DLC1: variants seen among roughly 807,000 people sequenced by gnomAD.
The protein encoded by DLC1 is DLC1 Rho GTPase activating protein, also known as rho GTPase-activating protein 7.
A neutral mutation model predicts 140.3 loss-of-function variants in DLC1; 54 were observed. The observed-to-expected ratio is 0.38, with a 90% CI of 0.31 to 0.48. The LOEUF (loss-of-function observed/expected upper bound fraction) is 0.48, where lower values mean the gene tolerates loss of function less well. Ranked by LOEUF, DLC1 falls within the 20% of genes least tolerant of loss-of-function variation. DLC1 has a pLI of 0.96. For missense variants in DLC1, 2,536 were observed against 1,907.0 expected (o/e 1.33, Z -6.14); for synonymous variants, 986 against 728.1 (o/e 1.35, Z -5.70).
chr8:13,231,888 TG>T (rs1219275123), intron 5 of DLC1, among the ~76,000 whole-genome samples: 2 of 152,214 alleles, frequency 1.3e-5, no homozygotes, highest in African/African-American at 2.4e-5. Flanking sequence ...TGAATCTCAG[TG>T]AGTATTTTTA....
chr8:13,537,198 C>G (rs1020035024), intron 1 of DLC1, among the ~76,000 whole-genome samples: 1 of 151,788 alleles, frequency 6.6e-6, no homozygotes, highest in African/African-American at 2.4e-5. Context: ...GTTTTCAGAT[C>G]AAGAAAATAA....
Position 13,162,428 on chromosome 8 carries a change from T to G in DLC1, c.1349-46771A>C, listed in dbSNP as rs571113426. On this transcript the variant is annotated intron_variant, in intron 5 of 17. Coordinates refer to ENST00000276297, the MANE Select transcript of DLC1 (RefSeq NM_182643.3). ...TCCTCCGCCTCCCAGGTTCAAGAGA[T>G]TTTCCTGCCTCAGCCTTCTGAGTAG... is the stretch of plus-strand genomic sequence containing the variant. Among the ~76,000 whole-genome samples the G allele has an allele frequency of 9.9e-5, 15 of 152,262 alleles. No homozygotes were observed. The South Asian group carries it at 2.9e-3, about 29-fold the overall frequency.
chr8:13,220,899 A>C (rs921737962), intron 5 of DLC1, among the ~76,000 whole-genome samples: 1 of 152,180 alleles, frequency 6.6e-6, no homozygotes, highest in South Asian at 2.1e-4. Context: ...AGGCAAGCTC[A>C]GTGACAGCCT....
At chr8:13,592,397 T>C (rs557656904) in intron 1 of DLC1, among the ~76,000 whole-genome samples, 2 of 152,222 alleles carry the variant, frequency 1.3e-5, no homozygotes, top group East Asian at 3.9e-4. Flanking sequence ...GTTTTATTTA[T>C]ATTTTTATAT....
chr8:13,364,483 A>T (rs1835388878), intron 4 of DLC1, among the ~76,000 whole-genome samples: 1 of 152,090 alleles, frequency 6.6e-6, no homozygotes, highest in Admixed American at 6.6e-5. Flanking sequence ...TTTTTAGCAG[A>T]GACAGATTTC....
intron 5 of DLC1, among the ~76,000 whole-genome samples, chr8:13,300,190 C>A (rs1243462697): frequency 6.6e-6 from 1 of 152,108 alleles, no homozygotes; most frequent in African/African-American, 2.4e-5. Flanking sequence ...GAACAGAAAA[C>A]CAAACCCCTC....
At chr8:13,523,618 A>G (rs1005187606) in intron 1 of DLC1, among the ~76,000 whole-genome samples, 29 of 152,178 alleles carry the variant, frequency 1.9e-4, no homozygotes, top group African/African-American at 7.0e-4. Flanking sequence ...TAAAATAAGA[A>G]GACAAATACC....
chr8:13,452,311 TGAC>T (rs1799103311), intron 2 of DLC1, among the ~76,000 whole-genome samples: 1 of 152,114 alleles, frequency 6.6e-6, no homozygotes, highest in African/African-American at 2.4e-5. Flanking sequence ...ATAGCTCCAC[TGAC>T]CTCAATAGTT....
chr8:13,601,572 A>G (rs192001670), intron 1 of DLC1, among the ~76,000 whole-genome samples: 55 of 151,702 alleles, frequency 3.6e-4, no homozygotes, highest in Non-Finnish European at 1.2e-4. Context: ...TAGACTTACA[A>G]TATGAAGCTG....
At chr8:13,464,760 ATATATT>A (rs1446752136) in intron 2 of DLC1, among the ~76,000 whole-genome samples, 5,838 of 60,366 alleles carry the variant, frequency 0.097, 150 homozygotes, top group Non-Finnish European at 0.13. Context: ...ATATATATAT[ATATATT>A]TATATATATA....
chr8:13,544,779 A>G (rs1250776521), intron 1 of DLC1, among the ~76,000 whole-genome samples: 2 of 152,194 alleles, frequency 1.3e-5, no homozygotes, highest in Admixed American at 6.6e-5. Context: ...AGCTAAAAAT[A>G]TTTTGTAAAT....
chr8:13,299,552 C>T (rs1428780944), intron 5 of DLC1, among the ~76,000 whole-genome samples: 3 of 148,422 alleles, frequency 2.0e-5, no homozygotes, highest in Non-Finnish European at 4.4e-5. Context: ...TCATCTGGTG[C>T]CAGTTGCATG....
intron 1 of DLC1, 60 bp downstream of exon 1, chr8:13,514,542 C>G: frequency 2.5e-6 from 1 of 398,448 alleles, no homozygotes; most frequent in Non-Finnish European, 4.4e-6. Context: ...ACATTTATCT[C>G]AATCTTTCTG....
intron 2 of DLC1, among the ~76,000 whole-genome samples, chr8:13,446,055 C>T (rs1489827438): frequency 6.6e-6 from 1 of 152,124 alleles, no homozygotes; most frequent in Admixed American, 6.5e-5. Flanking sequence ...CGGTTGCTAC[C>T]TGAACAGTGT....
chr8:13,491,749 A>G (rs2117166776), intron 2 of DLC1, among the ~76,000 whole-genome samples: 1 of 152,270 alleles, frequency 6.6e-6, no homozygotes, highest in Middle Eastern at 3.4e-3. Flanking sequence ...CTGATTTAGC[A>G]CAGAACTAGC....
chr8:13,557,478 T>G (rs1804088804), intron 1 of DLC1, among the ~76,000 whole-genome samples: 1 of 152,152 alleles, frequency 6.6e-6, no homozygotes, highest in African/African-American at 2.4e-5. Context: ...CCTACCCAAA[T>G]CTCATCTTGA....
rs368104031 is a variant in DLC1 at position 13,094,850 on chromosome 8, G to A, written c.3435C>T (p.Asp1145=). ...AATACTGCTTCAGCATGTCTGCCACGTCATAAGCAGACTGTCCTTCGTAGT... is the reference window on the plus strand; with the variant it reads ...AATACTGCTTCAGCATGTCTGCCACATCATAAGCAGACTGTCCTTCGTAGT... ...CVNYEGQSAY[D]VADMLKQYFR... The change falls in exon 12 of 18, where the codon GAC becomes GAT. Residue 1145 remains aspartate (D), a synonymous_variant. Transcript: ENST00000276297. 8.1e-5 allele frequency: 130 copies of A among 1,614,048 alleles called. No individual in the cohort carries two copies. The highest frequency in any genetic ancestry group is 9.7e-5 in the Non-Finnish European group (115 of 1,180,048).
At chr8:13,472,676 T>C (rs527824237) in intron 2 of DLC1, among the ~76,000 whole-genome samples, 8 of 152,326 alleles carry the variant, frequency 5.3e-5, no homozygotes, top group Non-Finnish European at 8.8e-5. Context: ...AACAAGACTA[T>C]GCCATTTGCC....
At chr8:13,592,606 T>A (rs1805552299) in intron 1 of DLC1, among the ~76,000 whole-genome samples, 1 of 152,094 alleles carries the variant, frequency 6.6e-6, no homozygotes, top group Non-Finnish European at 1.5e-5. Flanking sequence ...CAGCCATTTG[T>A]TGAAACTATA....
Sources: allele counts gnomAD v4.1 joint callset (sites outside exome capture counted in the v4.1 genomes callset), GRCh38; gene constraint gnomAD v4.1.1; transcripts MANE v1.5; gene names NCBI Gene and HGNC (gene_info 2026-07-23, HGNC 2026-07-21).